The following SNX27 variants were observed in gnomAD, a reference collection of about 807,000 sequenced individuals.
SNX27 encodes sorting nexin 27, also known as sorting nexin-27.
A neutral mutation model predicts 71.6 loss-of-function variants in SNX27; 22 were observed. The ratio of observed to expected loss-of-function variants is 0.31; its 90% CI spans 0.22 to 0.44. The LOEUF is 0.44. Among genes scored for constraint, SNX27 ranks in the 20% least tolerant of loss-of-function variants. The pLI, the probability that SNX27 is intolerant of heterozygous loss-of-function variation, is 1.00. For synonymous variants in SNX27, 269 were observed against 277.2 expected, an observed-to-expected ratio of 0.97 and a Z score of 0.29; for missense variants, 531 against 698.6, an observed-to-expected ratio of 0.76 and a Z score of 2.70.
At chr1:151,681,268 G>A (rs1238044017) in intron 7 of SNX27, among the ~76,000 whole-genome samples, 2 of 73,420 alleles carry the variant, frequency 2.7e-5, no homozygotes, top group East Asian at 6.9e-4. Context: ...TTGCGATGGA[G>A]TCTTGCTCTG....
intron 7 of SNX27, among the ~76,000 whole-genome samples, chr1:151,682,026 A>G (rs186453914): frequency 6.6e-6 from 1 of 152,288 alleles, no homozygotes; most frequent in African/African-American, 2.4e-5. Context: ...TGCCTATATC[A>G]CTGTCTGTAC....
At position 151,658,229 on chromosome 1, in the gene SNX27, C is replaced by T; in HGVS notation, c.544-6C>T. Reference sequence around the variant, plus strand: ...ATGCTTTTCTTTTGTTCTTCTCCTTCACCAGGTATATAATGTTTACATGGC... The same window carrying T: ...ATGCTTTTCTTTTGTTCTTCTCCTTTACCAGGTATATAATGTTTACATGGC... On this transcript the variant is annotated splice_polypyrimidine_tract_variant and splice_region_variant and intron_variant, in intron 2 of 11. Transcript: ENST00000458013. 1.9e-6 allele frequency: 3 copies of T among 1,588,572 alleles called. No homozygotes were observed. The highest frequency in any genetic ancestry group is 2.6e-6 in the Non-Finnish European group (3 of 1,169,472).
chr1:151,614,066 G>T (rs1197846490), intron 1 of SNX27: 2 of 150,508 alleles, frequency 1.3e-5, no homozygotes, highest in Non-Finnish European at 1.5e-5. Flanking sequence ...TACTCATCTC[G>T]TGCCATCTAC....
intron 1 of SNX27, chr1:151,615,642 A>G (rs550242100): frequency 1.5e-4 from 145 of 968,918 alleles, no homozygotes; most frequent in Non-Finnish European, 1.8e-4. Flanking sequence ...GGATAGGTGG[A>G]TTATCATTGT....
chr1:151,658,443 A>G lies in SNX27; in HGVS notation c.736+16A>G. ...CTAGAAAAAGGTAATCCAAACCATC[A>G]AACTCTACTATATTGAGTAGACGTA... On this transcript the variant is annotated intron_variant, in intron 3 of 11. Coordinates refer to ENST00000458013, the MANE Select transcript of SNX27 (RefSeq NM_001330723.2). 1 of 1,610,650 alleles carries G rather than the reference A, an allele frequency of 6.2e-7. No homozygotes were observed. The highest frequency in any genetic ancestry group is 8.5e-7 in the Non-Finnish European group (1 of 1,178,240).
intron 2 of SNX27, among the ~76,000 whole-genome samples, chr1:151,641,383 T>A (rs1311035197): frequency 6.6e-6 from 1 of 151,820 alleles, no homozygotes; most frequent in Non-Finnish European, 1.5e-5. Context: ...ATTCTAGCCA[T>A]TCTCATGGAC....
In SNX27 at chr1:151,641,975, ATC is replaced by A. The variant is rs1330096247; in HGVS notation, c.543+2857_543+2858del. 2.1e-4 allele frequency among the ~76,000 whole-genome samples: 19 copies of A among 92,504 alleles called. 2 individuals carry two copies. The highest frequency in any genetic ancestry group is 2.3e-4 in the Non-Finnish European group (10 of 43,524). 60.7% of individuals were successfully genotyped at this position (92,504 alleles called of 152,430 possible). On this transcript the variant is annotated intron_variant, in intron 2 of 11. Transcript: ENST00000458013. The stretch of plus-strand genomic sequence containing the variant: ...ATAGATATATATGAGATATATATAT[ATC>A]AGATATAGATATATATGAGATATAT...
chr1:151,683,230 T>C, intron 7 of SNX27, 126 bp from the exon 8 acceptor site: 1 of 667,478 alleles, frequency 1.5e-6, no homozygotes, highest in Admixed American at 2.9e-5. Flanking sequence ...CAGAGTTCAC[T>C]GGTAATGATG....
chr1:151,651,809 G>T (rs1244696279), intron 2 of SNX27, among the ~76,000 whole-genome samples: 1 of 152,094 alleles, frequency 6.6e-6, no homozygotes, highest in Non-Finnish European at 1.5e-5. Flanking sequence ...TGGCGGCCGG[G>T]CAGAGGCTGC....
chr1:151,687,871 C>G (rs1413744411), intron 8 of SNX27, among the ~76,000 whole-genome samples: 11 of 151,210 alleles, frequency 7.3e-5, no homozygotes, highest in South Asian at 6.3e-4. Context: ...TGGCGTGAAC[C>G]CAGGAGGCGG....
chr1:151,663,211 T>C (rs1670042700), intron 5 of SNX27, among the ~76,000 whole-genome samples: 1 of 151,120 alleles, frequency 6.6e-6, no homozygotes, highest in Non-Finnish European at 1.5e-5. Context: ...AGTGCAGTGG[T>C]GCGATCTTGG....
intron 1 of SNX27, among the ~76,000 whole-genome samples, chr1:151,633,627 C>T (rs1435631173): frequency 2.0e-5 from 3 of 151,208 alleles, no homozygotes; most frequent in Admixed American, 2.0e-4. Context: ...CAGTACTATC[C>T]CCTCCCCTCC....
At chr1:151,671,236 CTTT>C (rs34972986) in intron 7 of SNX27, among the ~76,000 whole-genome samples, 1 of 138,848 alleles carries the variant, frequency 7.2e-6, no homozygotes, top group Non-Finnish European at 1.6e-5. Context: ...CAGTTTTGTT[CTTT>C]TTTTTTTTTT....
intron 2 of SNX27, among the ~76,000 whole-genome samples, chr1:151,645,099 C>G (rs1668975881): frequency 6.6e-6 from 1 of 151,818 alleles, no homozygotes; most frequent in Admixed American, 6.6e-5. Flanking sequence ...TGACCAGGGT[C>G]AAGGTTTTGT....
intron 3 of SNX27, among the ~76,000 whole-genome samples, 165 bp downstream of exon 3, chr1:151,658,592 A>G (rs1010943967): frequency 1.3e-5 from 2 of 152,264 alleles, no homozygotes; most frequent in African/African-American, 2.4e-5. Flanking sequence ...TGAAATGTCC[A>G]GTACAGTGAT....
intron 1 of SNX27, among the ~76,000 whole-genome samples, chr1:151,621,127 T>C (rs531449558): frequency 3.9e-5 from 6 of 152,352 alleles, no homozygotes; most frequent in African/African-American, 1.4e-4. Context: ...AAAATTCATG[T>C]GAAGCTCCTT....
intron 1 of SNX27, chr1:151,629,472 T>C (rs1243252253): frequency 4.8e-5 from 1 of 20,954 alleles, no homozygotes; most frequent in Non-Finnish European, 7.2e-4. Flanking sequence ...TATATATACA[T>C]ATATACGTAT....
chr1:151,680,113 A>G (rs1670870617), intron 7 of SNX27: 1 of 150,270 alleles, frequency 6.7e-6, no homozygotes, highest in African/African-American at 2.5e-5. Context: ...TAGGGTGGTG[A>G]TATTTATGTT....
chr1:151,651,351 C>G (rs571896139), intron 2 of SNX27, among the ~76,000 whole-genome samples: 1 of 151,186 alleles, frequency 6.6e-6, no homozygotes, highest in African/African-American at 2.4e-5. Flanking sequence ...ACCTCCCTCC[C>G]GGATGGGGCG....
Sources: gnomAD v4.1 joint callset for allele counts (sites outside exome capture counted in the v4.1 genomes callset) on GRCh38, gnomAD v4.1.1 for gene constraint, MANE v1.5 for transcripts, NCBI Gene and HGNC (gene_info 2026-07-23, HGNC 2026-07-21) for gene names.